The following NRG1 variants were observed in gnomAD, a reference collection of about 807,000 sequenced individuals.
NRG1 encodes the protein neuregulin 1, also known as pro-neuregulin-1, membrane-bound isoform.
A neutral mutation model predicts 63.8 loss-of-function variants in NRG1; 18 were observed. The ratio of observed to expected loss-of-function variants is 0.28; its 90% CI spans 0.19 to 0.42. NRG1 has a LOEUF of 0.42. NRG1 is among the 10% of genes least tolerant of loss of function. The probability of loss-of-function intolerance (pLI) is 1.00; values close to 1 mark genes in which losing one functional copy is unlikely to be tolerated. For synonymous variants in NRG1, 302 were observed against 301.3 expected (o/e 1.00, Z -0.02); for missense variants, 762 against 814.7 (o/e 0.94, Z 0.79).
chr8:32,647,649 T>G (rs1197247735), intron 5 of NRG1: 20 of 1,495,808 alleles, frequency 1.3e-5, no homozygotes, highest in Non-Finnish European at 1.8e-5. Flanking sequence ...GCTGTATCAT[T>G]TGGTTGGGGG....
chr8:31,779,882 T>TG (rs1819511730), intron 1 of NRG1, among the ~76,000 whole-genome samples: 1 of 152,198 alleles, frequency 6.6e-6, no homozygotes, highest in Non-Finnish European at 1.5e-5. Context: ...TCACTGAAAA[T>TG]GAAATATGTT....
At chr8:32,697,240 T>C (rs1008520619) in intron 5 of NRG1, among the ~76,000 whole-genome samples, 6 of 152,234 alleles carry the variant, frequency 3.9e-5, no homozygotes, top group Non-Finnish European at 7.3e-5. Context: ...AAGATAGCCG[T>C]GGGCTAGTCA....
chr8:32,224,415 G>A (rs1209122010), intron 1 of NRG1, among the ~76,000 whole-genome samples: 2 of 152,170 alleles, frequency 1.3e-5, no homozygotes, highest in East Asian at 3.9e-4. Context: ...CCTGTCTGAA[G>A]AGCTCCTTCT....
At chr8:32,502,703 C>T (rs1406549907) in intron 1 of NRG1, among the ~76,000 whole-genome samples, 1 of 151,800 alleles carries the variant, frequency 6.6e-6, no homozygotes, top group South Asian at 2.1e-4. Flanking sequence ...TCTCCTTGTA[C>T]TCTTTGCCTG....
intron 1 of NRG1, among the ~76,000 whole-genome samples, chr8:31,725,946 T>C (rs747706598): frequency 1.8e-4 from 27 of 152,238 alleles, no homozygotes; most frequent in Non-Finnish European, 2.9e-4. Context: ...AATTGTGAAA[T>C]TGATGATCAT....
chr8:32,194,997 T>A (rs1318764933), intron 1 of NRG1, among the ~76,000 whole-genome samples: 1 of 152,208 alleles, frequency 6.6e-6, no homozygotes, highest in Non-Finnish European at 1.5e-5. Flanking sequence ...TTGATTTAGC[T>A]ATATGTAAGT....
chr8:32,361,346 G>A (rs1807186666), intron 1 of NRG1, among the ~76,000 whole-genome samples: 3 of 152,090 alleles, frequency 2.0e-5, no homozygotes, highest in Admixed American at 2.0e-4. Flanking sequence ...GACCACAGGT[G>A]ACAAGAGTCT....
intron 1 of NRG1, among the ~76,000 whole-genome samples, chr8:32,044,456 A>G (rs1820602341): frequency 6.6e-6 from 1 of 151,896 alleles, no homozygotes; most frequent in East Asian, 1.9e-4. Context: ...CTGACTGAAT[A>G]TAGTTGATGT....
intron 1 of NRG1, among the ~76,000 whole-genome samples, chr8:31,649,142 A>G (rs1271189267): frequency 6.6e-6 from 1 of 152,098 alleles, no homozygotes; most frequent in Non-Finnish European, 1.5e-5. Context: ...TTTAGTAAAA[A>G]TGGGGTTTCA....
intron 1 of NRG1, among the ~76,000 whole-genome samples, chr8:31,738,377 C>A (rs1814908056): frequency 6.6e-6 from 1 of 152,058 alleles, no homozygotes. Flanking sequence ...TCTATCACTA[C>A]TTAATGCATG....
chr8:31,665,596 G>T (rs1806447491), intron 1 of NRG1, among the ~76,000 whole-genome samples: 1 of 152,208 alleles, frequency 6.6e-6, no homozygotes, highest in Non-Finnish European at 1.5e-5. Flanking sequence ...TTAACTTGTA[G>T]CATTTTAAAC....
At chr8:31,889,687 A>G (rs1303748458) in intron 1 of NRG1, among the ~76,000 whole-genome samples, 3 of 152,194 alleles carry the variant, frequency 2.0e-5, no homozygotes, top group East Asian at 1.9e-4. Context: ...GTCACTGCAC[A>G]TTTACCTCCA....
chr8:31,772,991 G>A (rs1249127647), intron 1 of NRG1, among the ~76,000 whole-genome samples: 1 of 152,208 alleles, frequency 6.6e-6, no homozygotes, highest in Non-Finnish European at 1.5e-5. Flanking sequence ...AAAAGCAGCA[G>A]ACTTACTGTA....
At chr8:32,350,255 A>G (rs1781073436) in intron 1 of NRG1, among the ~76,000 whole-genome samples, 2 of 152,206 alleles carry the variant, frequency 1.3e-5, no homozygotes, top group Non-Finnish European at 2.9e-5. Flanking sequence ...TTCTTGCTTG[A>G]ACTTTGAATC....
At chr8:32,759,698 G>A (rs1830349770) in intron 10 of NRG1, among the ~76,000 whole-genome samples, 1 of 152,168 alleles carries the variant, frequency 6.6e-6, no homozygotes, top group Non-Finnish European at 1.5e-5. Context: ...ACTGGGACAA[G>A]TCTGTCTTTG....
intron 1 of NRG1, among the ~76,000 whole-genome samples, chr8:31,762,938 C>T (rs975220295): frequency 1.3e-5 from 2 of 151,880 alleles, no homozygotes; most frequent in South Asian, 2.1e-4. Context: ...CATAAAAATT[C>T]GTAATAAAAC....
At chr8:31,749,571 T>A (rs1224521138) in intron 1 of NRG1, among the ~76,000 whole-genome samples, 1 of 151,840 alleles carries the variant, frequency 6.6e-6, no homozygotes, top group Non-Finnish European at 1.5e-5. Flanking sequence ...TACACAAATT[T>A]TATCTTTCTT....
chr8:32,555,699 C>A (rs973971189), intron 1 of NRG1, among the ~76,000 whole-genome samples: 8 of 152,302 alleles, frequency 5.3e-5, no homozygotes, highest in Admixed American at 2.6e-4. Flanking sequence ...TCTCCATCTC[C>A]TGACCTCGTG....
At position 32,600,245 on chromosome 8, in the gene NRG1, T is replaced by TA. The variant is rs202100794; in HGVS notation, c.278+4249dup. On this transcript the variant is annotated intron_variant, in intron 2 of 11. Transcript: ENST00000356819. ...CATAGCAAGACCCCGTCTCTATACT[T>TA]AAAAAAAAATCATAATTTCCTCTTT... 9.3e-3 allele frequency among the ~76,000 whole-genome samples: 1,412 copies of TA among 151,186 alleles called. 13 individuals carry two copies. Among genetic ancestry groups the TA allele is most frequent in the African/African-American group, 0.017 (707 of 41,216 alleles).
Sources: gnomAD v4.1 joint callset for allele counts (sites outside exome capture counted in the v4.1 genomes callset) on GRCh38, gnomAD v4.1.1 for gene constraint, MANE v1.5 for transcripts, NCBI Gene and HGNC (gene_info 2026-07-23, HGNC 2026-07-21) for gene names.